GPATCH2: variants seen among roughly 807,000 people sequenced by gnomAD.
GPATCH2 encodes G-patch domain containing 2, also known as G patch domain-containing protein 2.
In GPATCH2, 51 loss-of-function variants were observed where a neutral mutation model predicts 58.0. The ratio of observed to expected loss-of-function variants is 0.88; its 90% CI spans 0.70 to 1.11. The LOEUF (loss-of-function observed/expected upper bound fraction) is 1.11, where lower values mean the gene tolerates loss of function less well. GPATCH2 is among the 50% of genes most tolerant of loss of function. GPATCH2 has a pLI of 0.00. For synonymous variants in GPATCH2, 222 were observed against 218.5 expected, an observed-to-expected ratio of 1.02 and a Z score of -0.14; for missense variants, 625 against 652.2, an observed-to-expected ratio of 0.96 and a Z score of 0.45.
At chr1:217,609,979 T>A (rs1257994982) in intron 5 of GPATCH2, 1 of 1,349,302 alleles carries the variant, frequency 7.4e-7, no homozygotes, top group Non-Finnish European at 9.5e-7. Flanking sequence ...CCCAGTCAGG[T>A]TCACTTCTGA....
rs1428668305 is a variant in GPATCH2 at position 217,430,848 on chromosome 1, T to A, written c.*297A>T. 3.7e-5 allele frequency: 15 copies of A among 406,830 alleles called. No individual in the cohort carries two copies. The highest frequency in any genetic ancestry group is 5.0e-5 in the East Asian group (1 of 19,806). 25.2% of individuals were successfully genotyped at this position (406,830 alleles called of 1,614,324 possible). ...ACACATACATGAATTAAGCAAAGCA[T>A]CGGAAAGTATTGACACATGAGACTA... On this transcript the variant is annotated 3_prime_UTR_variant, in exon 10 of 10. Coordinates refer to ENST00000366935, the MANE Select transcript of GPATCH2 (RefSeq NM_018040.5).
At chr1:217,476,431 T>C (rs1660973618) in intron 8 of GPATCH2, among the ~76,000 whole-genome samples, 1 of 152,054 alleles carries the variant, frequency 6.6e-6, no homozygotes, top group African/African-American at 2.4e-5. Context: ...AGGTAAGGAC[T>C]CACAATACCT....
chr1:217,529,131 G>A (rs1279062094), intron 5 of GPATCH2, among the ~76,000 whole-genome samples: 3 of 152,178 alleles, frequency 2.0e-5, no homozygotes, highest in African/African-American at 7.2e-5. Flanking sequence ...GAGAGAATCA[G>A]ATGGAGACAG....
chr1:217,569,474 C>T (rs1666429243), intron 5 of GPATCH2, among the ~76,000 whole-genome samples: 1 of 151,720 alleles, frequency 6.6e-6, no homozygotes, highest in South Asian at 2.1e-4. Context: ...GCGGGCAGAT[C>T]AGCTGAGGTC....
intron 5 of GPATCH2, among the ~76,000 whole-genome samples, chr1:217,544,757 G>A (rs553700888): frequency 6.6e-6 from 1 of 152,194 alleles, no homozygotes; most frequent in Non-Finnish European, 1.5e-5. Flanking sequence ...TCACCTCCCT[G>A]CCATCCCCCA....
At position 217,427,591 on chromosome 1, in the gene GPATCH2, C is replaced by T. The variant is rs1342101486; in HGVS notation, c.*3554G>A. On this transcript the variant is annotated 3_prime_UTR_variant, in exon 10 of 10. Coordinates refer to ENST00000366935, the MANE Select transcript of GPATCH2 (RefSeq NM_018040.5). The stretch of plus-strand genomic sequence containing the variant: ...GTTGTACTATTAACATGACTTTCTA[C>T]CAAAAGAAAAAATAAAAAAAAATAT... 7.1e-6 allele frequency: 1 copy of T among 140,584 alleles called. No individual in the cohort carries two copies. Among genetic ancestry groups the T allele is most frequent in the African/African-American group, 2.7e-5 (1 of 37,236 alleles). The allele number at this position is 140,584 out of a possible 1,614,324, so 8.7% of individuals were successfully genotyped here. A position where few individuals can be genotyped will look rare whatever the true frequency, so the allele number is the denominator to read the frequency against.
At chr1:217,541,230 C>A (rs948110311) in intron 5 of GPATCH2, among the ~76,000 whole-genome samples, 2 of 152,206 alleles carry the variant, frequency 1.3e-5, no homozygotes, top group Non-Finnish European at 2.9e-5. Context: ...AATCATTACT[C>A]ATACTGAAAA....
At chr1:217,532,077 G>A (rs1254296043) in intron 5 of GPATCH2, among the ~76,000 whole-genome samples, 7 of 152,114 alleles carry the variant, frequency 4.6e-5, no homozygotes, top group African/African-American at 7.2e-5. Flanking sequence ...ACCCAACTCC[G>A]CTGGACCGGT....
intron 9 of GPATCH2, among the ~76,000 whole-genome samples, chr1:217,438,714 A>G (rs1291097439): frequency 2.0e-5 from 3 of 152,192 alleles, no homozygotes; most frequent in Admixed American, 6.5e-5. Context: ...ATATGGGACC[A>G]TGTGAAAAGA....
intron 8 of GPATCH2, among the ~76,000 whole-genome samples, chr1:217,481,969 C>A (rs1661229688): frequency 6.6e-6 from 1 of 151,948 alleles, no homozygotes; most frequent in South Asian, 2.1e-4. Flanking sequence ...CAGCTAACAT[C>A]CACTTATTTG....
chr1:217,609,930 C>G, intron 5 of GPATCH2: 1 of 1,181,610 alleles, frequency 8.5e-7, no homozygotes, highest in East Asian at 3.7e-5. Context: ...ACAGTAGTTT[C>G]TATCCACCCT....
Position 217,496,231 on chromosome 1 carries a change from C to T in GPATCH2, c.1206+2125G>A, listed in dbSNP as rs547980976. ...ATTGTCATTATTCAGATTCCATACA[C>T]CTACTTGCTAACATTTATTTGTAAC... is the stretch of plus-strand genomic sequence containing the variant. On this transcript the variant is annotated intron_variant, in intron 7 of 9. Coordinates refer to ENST00000366935, the MANE Select transcript of GPATCH2 (RefSeq NM_018040.5). 2.0e-5 allele frequency among the ~76,000 whole-genome samples: 3 copies of T among 152,284 alleles called. No individual in the cohort carries two copies. The East Asian group carries it at 5.8e-4, about 29-fold the overall frequency.
chr1:217,553,323 A>C (rs922188760), intron 5 of GPATCH2, among the ~76,000 whole-genome samples: 1 of 152,160 alleles, frequency 6.6e-6, no homozygotes, highest in Non-Finnish European at 1.5e-5. Flanking sequence ...TCATAAATGA[A>C]TACTCAACAG....
intron 2 of GPATCH2, among the ~76,000 whole-genome samples, chr1:217,614,742 T>C (rs1255914429): frequency 1.4e-5 from 2 of 144,662 alleles, no homozygotes; most frequent in African/African-American, 2.5e-5. Context: ...ACGGTGATAA[T>C]CCATTATATC....
intron 8 of GPATCH2, among the ~76,000 whole-genome samples, chr1:217,457,665 T>G (rs1462951932): frequency 1.3e-5 from 2 of 152,192 alleles, no homozygotes; most frequent in Non-Finnish European, 2.9e-5. Flanking sequence ...AAATTGCCAT[T>G]ATGCTACAAT....
intron 5 of GPATCH2, among the ~76,000 whole-genome samples, chr1:217,533,705 C>T (rs1211513043): frequency 1.3e-5 from 2 of 152,242 alleles, no homozygotes; most frequent in African/African-American, 4.8e-5. Context: ...TTGATATTTA[C>T]GTTGGTATCT....
chr1:217,501,379 C>T (rs1011376989), intron 6 of GPATCH2, among the ~76,000 whole-genome samples: 1 of 152,044 alleles, frequency 6.6e-6, no homozygotes, highest in East Asian at 1.9e-4. Context: ...CAATTTTGGG[C>T]TATTATGAAT....
At chr1:217,555,774 C>T (rs1665588474) in intron 5 of GPATCH2, among the ~76,000 whole-genome samples, 2 of 152,150 alleles carry the variant, frequency 1.3e-5, no homozygotes, top group Admixed American at 1.3e-4. Flanking sequence ...CTAACACCTA[C>T]ACTACACTTC....
chr1:217,440,001 C>T (rs1047166299), intron 9 of GPATCH2, among the ~76,000 whole-genome samples: 6 of 152,194 alleles, frequency 3.9e-5, no homozygotes, highest in African/African-American at 1.4e-4. Context: ...GGGACTCCTC[C>T]CAGACTCATT....
Sources: allele counts gnomAD v4.1 joint callset (sites outside exome capture counted in the v4.1 genomes callset), GRCh38; gene constraint gnomAD v4.1.1; transcripts MANE v1.5; gene names NCBI Gene and HGNC (gene_info 2026-07-23, HGNC 2026-07-21).